Variants in KRT80 observed in about 807,000 individuals in gnomAD.
KRT80 encodes keratin, type II cytoskeletal 80.
A neutral mutation model predicts 51.5 loss-of-function variants in KRT80; 36 were observed. That is an observed-to-expected ratio of 0.70 (90% CI 0.54 to 0.92). The LOEUF (loss-of-function observed/expected upper bound fraction) is 0.92, where lower values mean the gene tolerates loss of function less well. KRT80 is among the 40% of genes least tolerant of loss of function. KRT80 has a pLI of 0.00. For missense variants in KRT80, 566 were observed against 591.7 expected, an observed-to-expected ratio of 0.96 and a Z score of 0.45; for synonymous variants, 235 against 248.3, an observed-to-expected ratio of 0.95 and a Z score of 0.50.
rs1033464628 is a variant in KRT80 at position 52,173,741 on chromosome 12, C to T, written c.690G>A (p.Gln230=). ...YEQELKDLAA[Q]VKDVSVTVGM... is the part of the protein sequence containing the mutation. ...CGACGGTCACCGACACATCCTTCAC[C>T]TGTGCTGCCAGGTCCTTCAGCTCCT... The change falls in exon 5 of 9, where the codon CAG becomes CAA. Residue 230 remains glutamine, a synonymous_variant. Transcript: ENST00000394815. The T allele has an allele frequency of 6.2e-7, 1 of 1,611,642 alleles. No homozygotes were observed. The highest frequency in any genetic ancestry group is 1.3e-5 in the African/African-American group (1 of 74,948).
chr12:52,187,975 G>A (rs1941430224), intron 1 of KRT80, among the ~76,000 whole-genome samples: 1 of 152,102 alleles, frequency 6.6e-6, no homozygotes, highest in Non-Finnish European at 1.5e-5. Flanking sequence ...GGGACATGGT[G>A]TGCGTTTGGC....
intron 2 of KRT80, among the ~76,000 whole-genome samples, chr12:52,184,124 G>T (rs1344027070): frequency 1.3e-5 from 2 of 152,228 alleles, no homozygotes; most frequent in Non-Finnish European, 2.9e-5. Flanking sequence ...GGACAGGACA[G>T]GTGCTCTCCA....
intron 8 of KRT80, 57 bp downstream of exon 8, chr12:52,171,601 G>T (rs755725123): frequency 9.3e-6 from 15 of 1,608,874 alleles, no homozygotes; most frequent in Middle Eastern, 3.3e-4. Context: ...TTAGGATCAT[G>T]ATCCCCTACA....
At chr12:52,173,317 C>G (rs1000922609) in intron 5 of KRT80, among the ~76,000 whole-genome samples, 154 bp from the exon 6 acceptor site, 3 of 62,482 alleles carry the variant, frequency 4.8e-5, no homozygotes, top group Non-Finnish European at 1.0e-4. Flanking sequence ...CTTCCACCTC[C>G]CTTTCTGGGT....
chr12:52,179,745 G>A (rs1372414124), intron 4 of KRT80, among the ~76,000 whole-genome samples: 1 of 152,230 alleles, frequency 6.6e-6, no homozygotes, highest in South Asian at 2.1e-4. Flanking sequence ...GCACTTAGGC[G>A]GGCAAGCCCT....
At position 52,170,480 on chromosome 12, in the gene KRT80, G is replaced by A. The variant is rs1283822500; in HGVS notation, c.*918C>T. 6.6e-6 allele frequency: 1 copy of A among 152,344 alleles called. No homozygotes were observed. Among genetic ancestry groups the A allele is most frequent in the African/African-American group, 2.4e-5 (1 of 41,440 alleles). The allele number at this position is 152,344 out of a possible 1,614,324, so 9.4% of individuals were successfully genotyped here. A position where few individuals can be genotyped will look rare whatever the true frequency, so the allele number is the denominator to read the frequency against. On this transcript the variant is annotated 3_prime_UTR_variant, in exon 9 of 9. Coordinates refer to ENST00000394815, the MANE Select transcript of KRT80 (RefSeq NM_182507.3). ...AGGGGTGGGACCAGGGGTCTCCAAG[G>A]CCTGGTGCACCAAAGCCCGGTGCTC...
At chr12:52,184,850 T>G (rs541755866) in intron 2 of KRT80, among the ~76,000 whole-genome samples, 2 of 152,374 alleles carry the variant, frequency 1.3e-5, no homozygotes, top group African/African-American at 2.4e-5. Context: ...TCTACCTTGA[T>G]GTCTGGCATG....
At position 52,173,629 on chromosome 12, in the gene KRT80, C is replaced by T. The variant is rs1270614473; in HGVS notation, c.802G>A (p.Glu268Lys). The T allele has an allele frequency of 6.2e-7, 1 of 1,612,938 alleles. No homozygotes were observed. The highest frequency in any genetic ancestry group is 8.5e-7 in the Non-Finnish European group (1 of 1,180,032). Residue 268 changes from glutamate to lysine, a missense_variant, in exon 5 of 9, where the codon GAG becomes AAG. Glu to Lys is a moderately conservative substitution (Grantham distance 56, BLOSUM62 1). Transcript: ENST00000394815. ...CTCCGAGAGTATGCCTCGGCCTCCTCCAGGCTGCGAGCCGCGACGGCGTCA... is the reference window on the plus strand; with the variant it reads ...CTCCGAGAGTATGCCTCGGCCTCCTTCAGGCTGCGAGCCGCGACGGCGTCA... ...QYDAVAARSLEEAEAYSRSQL... is the reference protein window; with the variant it reads ...QYDAVAARSLKEAEAYSRSQL...
intron 3 of KRT80, 35 bp downstream of exon 3, chr12:52,180,868 A>G (rs1941308989): frequency 1.2e-6 from 2 of 1,609,988 alleles, no homozygotes; most frequent in African/African-American, 1.3e-5. Flanking sequence ...AGGGCCCATG[A>G]GGAAGGAGCC....
At chr12:52,173,003 C>T (rs1941140250) in intron 6 of KRT80, 35 bp downstream of exon 6, 5 of 1,589,810 alleles carry the variant, frequency 3.1e-6, no homozygotes, top group Non-Finnish European at 4.3e-6. Context: ...CCCTGCTCTC[C>T]TCCCCGCCCC....
At chr12:52,172,502 G>T (rs1427074499) in intron 6 of KRT80, 84 bp from the exon 7 acceptor site, 2 of 1,257,166 alleles carry the variant, frequency 1.6e-6, no homozygotes, top group East Asian at 2.4e-5. Flanking sequence ...TCTGTCCTTG[G>T]TGGGGGTAGG....
At chr12:52,173,943 C>T (rs958698910) in intron 4 of KRT80, among the ~76,000 whole-genome samples, 179 bp from the exon 5 acceptor site, 16 of 152,216 alleles carry the variant, frequency 1.1e-4, no homozygotes, top group African/African-American at 3.9e-4. Flanking sequence ...CCAGGACTCT[C>T]GGAAGGCAGC....
intron 4 of KRT80, among the ~76,000 whole-genome samples, chr12:52,177,694 T>G (rs1160431076): frequency 1.3e-5 from 2 of 151,816 alleles, no homozygotes; most frequent in Admixed American, 1.3e-4. Context: ...CACACACATG[T>G]TTTGGAGAGA....
intron 4 of KRT80, among the ~76,000 whole-genome samples, chr12:52,178,372 G>A (rs771367054): frequency 3.5e-4 from 54 of 152,330 alleles, no homozygotes; most frequent in Non-Finnish European, 6.8e-4. Context: ...ACCCTGCCCC[G>A]TGTGCTCTGA....
Position 52,185,111 on chromosome 12 carries a change from C to A in KRT80, c.509+268G>T, listed in dbSNP as rs536824384. Among the ~76,000 whole-genome samples the A allele has an allele frequency of 1.1e-4, 16 of 152,284 alleles. No individual in the cohort carries two copies. The East Asian group carries it at 3.1e-3, about 29-fold the overall frequency. ...GCGGGTTATGATGATGCCCAAGGGC[C>A]AGCAGGCACAGGGTTTAGCTGGGAG... On this transcript the variant is annotated intron_variant, in intron 2 of 8. Transcript: ENST00000394815.
Position 52,172,337 on chromosome 12 carries a change from G to C in KRT80, c.1039C>G (p.Gln347Glu), listed in dbSNP as rs753584989. 2.4e-5 allele frequency: 38 copies of C among 1,614,162 alleles called. No individual in the cohort carries two copies. Among genetic ancestry groups the C allele is most frequent in the Non-Finnish European group, 3.2e-5 (38 of 1,179,992 alleles). The change falls in exon 7 of 9, where the codon CAG (glutamine) becomes GAG (glutamate). Residue 347 changes from glutamine to glutamate, a missense_variant. Transcript: ENST00000394815. ...AFQDAKTKLAQLEAALQQAKQ... is the reference protein window; with the variant it reads ...AFQDAKTKLAELEAALQQAKQ... ...GCCTGCTGCAGGGCGGCCTCCAGCT[G>C]GGCCAGCTTGGTCTTGGCATCCTGG...
intron 4 of KRT80, among the ~76,000 whole-genome samples, chr12:52,178,805 T>C (rs1443174638): frequency 6.6e-6 from 1 of 151,858 alleles, no homozygotes; most frequent in Non-Finnish European, 1.5e-5. Flanking sequence ...TGTTACTCTC[T>C]CCATGCTACA....
chr12:52,190,870 G>T lies in KRT80; in HGVS notation c.300+733C>A, dbSNP rs137896658. Reference sequence around the variant, plus strand: ...TTCCTTGGGAGCTCCCTTGCCCTGGGAGCAGAGGTGGACACGAGTGCCCCA... The same window carrying T: ...TTCCTTGGGAGCTCCCTTGCCCTGGTAGCAGAGGTGGACACGAGTGCCCCA... On this transcript the variant is annotated intron_variant, in intron 1 of 8. Coordinates refer to ENST00000394815, the MANE Select transcript of KRT80 (RefSeq NM_182507.3). 9.4e-3 allele frequency among the ~76,000 whole-genome samples: 1,424 copies of T among 152,294 alleles called. 18 individuals carry two copies. The highest frequency in any genetic ancestry group is 0.031 in the African/African-American group (1,296 of 41,548).
intron 1 of KRT80, 25 bp from the exon 2 acceptor site, chr12:52,185,612 T>C (rs1941393293): frequency 6.3e-7 from 1 of 1,598,834 alleles, no homozygotes; most frequent in Non-Finnish European, 8.5e-7. Flanking sequence ...AGGCGGCGAA[T>C]GGGTCAGGTG....
Sources: allele counts gnomAD v4.1 joint callset (sites outside exome capture counted in the v4.1 genomes callset), GRCh38; gene constraint gnomAD v4.1.1; transcripts MANE v1.5; gene names NCBI Gene and HGNC (gene_info 2026-07-23, HGNC 2026-07-21).